The following SMURF1 variants were observed in gnomAD, a reference collection of about 807,000 sequenced individuals.
SMURF1 encodes the protein SMAD specific E3 ubiquitin protein ligase 1.
SMURF1 carries 44 observed loss-of-function variants against 98.0 expected under a neutral mutation model. That is an observed-to-expected ratio of 0.45 (90% confidence interval 0.35 to 0.58). The LOEUF is 0.58. Among genes scored for constraint, SMURF1 ranks in the 20% least tolerant of loss-of-function variants. The pLI is 0.00. For synonymous variants in SMURF1, 396 were observed against 374.9 expected, an observed-to-expected ratio of 1.06 and a Z score of -0.65; for missense variants, 687 against 938.4, an observed-to-expected ratio of 0.73 and a Z score of 3.50.
chr7:99,055,630 C>T (rs1271814558), intron 5 of SMURF1, among the ~76,000 whole-genome samples: 1 of 152,036 alleles, frequency 6.6e-6, no homozygotes, highest in Admixed American at 6.6e-5. Context: ...CCACTGAGCC[C>T]AGTTTTTATT....
chr7:99,089,353 G>A lies in SMURF1; in HGVS notation c.56-27516C>T, dbSNP rs141325200. ...ATACAGTTTTTTTATTTTAAAAACT[G>A]TATTTTAAAATACAGTGGCTCACAC... On this transcript the variant is annotated intron_variant, in intron 1 of 17. Transcript: ENST00000361368. Among the ~76,000 whole-genome samples, 1,216 of 151,360 alleles carry A rather than the reference G, an allele frequency of 8.0e-3. 23 individuals are homozygous for A. The highest frequency in any genetic ancestry group is 0.027 in the African/African-American group (1,119 of 41,200).
Position 99,035,731 on chromosome 7 carries a change from A to C in SMURF1, c.1810-15T>G. 1 of 1,612,304 alleles carries C rather than the reference A, an allele frequency of 6.2e-7. No homozygotes were observed. The highest frequency in any genetic ancestry group is 8.5e-7 in the Non-Finnish European group (1 of 1,178,910). The stretch of plus-strand genomic sequence containing the variant: ...CCTATGATCAGCTGAGGAGGTGCAG[A>C]AAGGTGAATTACTTCCAAAATGCAT... On this transcript the variant is annotated splice_polypyrimidine_tract_variant and intron_variant, in intron 15 of 17. Transcript: ENST00000361368.
In SMURF1 at chr7:99,042,170, G is replaced by C; in HGVS notation, c.1319C>G (p.Ser440Cys). The C allele has an allele frequency of 6.2e-7, 1 of 1,614,088 alleles. No homozygotes were observed. The highest frequency in any genetic ancestry group is 8.5e-7 in the Non-Finnish European group (1 of 1,180,012). ...LNPYYGLFQY[S>C]TDNIYMLQIN... is the part of the protein sequence containing the mutation. ...TTGCAACATGTAAATATTGTCCGTAGAATACTGGAAGAGCCCGTAATAAGG... is the reference window on the plus strand; with the variant it reads ...TTGCAACATGTAAATATTGTCCGTACAATACTGGAAGAGCCCGTAATAAGG... Residue 440 changes from serine (S) to cysteine (C), a missense_variant, in exon 12 of 18, where the codon TCT becomes TGT. Around this residue, in one of 2 missense-constraint regions of SMURF1, gnomAD observed 272 missense variants for 430.0 expected, o/e 0.63. Coordinates refer to ENST00000361368, the MANE Select transcript of SMURF1 (RefSeq NM_181349.3).
chr7:99,047,116 C>A (rs1191397606), intron 10 of SMURF1, among the ~76,000 whole-genome samples: 6 of 152,220 alleles, frequency 3.9e-5, no homozygotes, highest in Non-Finnish European at 5.9e-5. Context: ...TGTTTAGGGA[C>A]CTGCTCCTGC....
chr7:99,062,388 G>A (rs1055064408), intron 1 of SMURF1, among the ~76,000 whole-genome samples: 8 of 152,068 alleles, frequency 5.3e-5, no homozygotes, highest in African/African-American at 1.7e-4. Flanking sequence ...TACAGGTACC[G>A]CTAATGACAG....
intron 13 of SMURF1, among the ~76,000 whole-genome samples, chr7:99,039,539 G>A (rs1234380072): frequency 6.6e-6 from 1 of 152,008 alleles, no homozygotes; most frequent in Non-Finnish European, 1.5e-5. Context: ...AGTAGGGACG[G>A]GATTTCACCA....
In SMURF1 at chr7:99,123,174, C is replaced by CA. The variant is rs540927099; in HGVS notation, c.55+20551dup. On this transcript the variant is annotated intron_variant, in intron 1 of 17. Coordinates refer to ENST00000361368, the MANE Select transcript of SMURF1 (RefSeq NM_181349.3). The stretch of plus-strand genomic sequence containing the variant: ...ATATATGCAATACATAATAATAAGG[C>CA]AAAGTTTGCTCTGATTTTTAGTAAA... Among the ~76,000 whole-genome samples, 845 of 151,832 alleles carry CA rather than the reference C, an allele frequency of 5.6e-3. 6 individuals carry two copies. The highest frequency in any genetic ancestry group is 8.2e-3 in the Non-Finnish European group (556 of 67,948).
intron 8 of SMURF1, chr7:99,049,950 C>T (rs947000342): frequency 7.0e-5 from 27 of 385,284 alleles, no homozygotes; most frequent in Admixed American, 3.0e-4. Context: ...CGGTAGCTCA[C>T]GCCTGTAATC....
intron 1 of SMURF1, among the ~76,000 whole-genome samples, chr7:99,109,763 T>C (rs912215669): frequency 1.3e-5 from 2 of 152,208 alleles, no homozygotes; most frequent in African/African-American, 2.4e-5. Flanking sequence ...TTTGATAAAA[T>C]TCGACATCCA....
At chr7:99,066,428 G>A (rs1796193897) in intron 1 of SMURF1, among the ~76,000 whole-genome samples, 1 of 152,174 alleles carries the variant, frequency 6.6e-6, no homozygotes, top group South Asian at 2.1e-4. Context: ...TCATTCCAGT[G>A]GAATTTGGTT....
At chr7:99,136,597 A>C (rs1797998219) in intron 1 of SMURF1, among the ~76,000 whole-genome samples, 1 of 152,214 alleles carries the variant, frequency 6.6e-6, no homozygotes, top group Admixed American at 6.5e-5. Flanking sequence ...CTATTTTGAC[A>C]GTGTACATCC....
intron 1 of SMURF1, among the ~76,000 whole-genome samples, chr7:99,062,704 T>C (rs542092279): frequency 2.8e-4 from 43 of 152,086 alleles, no homozygotes; most frequent in African/African-American, 9.9e-4. Flanking sequence ...AAAAATTAGC[T>C]GTGTGTGGTA....
At chr7:99,037,034 G>A (rs778324007) in intron 15 of SMURF1, 33 bp downstream of exon 15, 7 of 1,612,426 alleles carry the variant, frequency 4.3e-6, no homozygotes, top group African/African-American at 4.0e-5. Context: ...CCACAGGGAC[G>A]CCCTGGGTCG....
intron 1 of SMURF1, among the ~76,000 whole-genome samples, chr7:99,129,801 G>A (rs188949578): frequency 3.7e-4 from 56 of 152,326 alleles, no homozygotes; most frequent in Admixed American, 1.0e-3. Flanking sequence ...TTCCACAAAC[G>A]GAAGAGCTTG....
intron 9 of SMURF1, 64 bp from the exon 10 acceptor site, chr7:99,047,946 C>T (rs758383708): frequency 2.1e-5 from 30 of 1,461,124 alleles, no homozygotes; most frequent in Non-Finnish European, 2.8e-5. Flanking sequence ...CAAGCACCCA[C>T]GTACGCGACA....
chr7:99,123,401 T>G (rs1797685116), intron 1 of SMURF1, among the ~76,000 whole-genome samples: 1 of 152,052 alleles, frequency 6.6e-6, no homozygotes, highest in Non-Finnish European at 1.5e-5. Flanking sequence ...GGCATGGTAG[T>G]GCACACCTGT....
intron 8 of SMURF1, chr7:99,050,729 C>A: frequency 1.8e-6 from 1 of 546,068 alleles, no homozygotes; most frequent in Non-Finnish European, 3.3e-6. Flanking sequence ...CTGAGTCATA[C>A]ATTAAACATA....
intron 9 of SMURF1, chr7:99,049,275 C>T (rs1030212514): frequency 3.8e-5 from 14 of 364,702 alleles, no homozygotes; most frequent in Admixed American, 8.5e-5. Context: ...CTCATGAGAG[C>T]GCTGCGTGCG....
chr7:99,042,265 G>A (rs374719443), intron 11 of SMURF1, 33 bp from the exon 12 acceptor site: 21 of 1,467,830 alleles, frequency 1.4e-5, no homozygotes, highest in Admixed American at 5.8e-5. Context: ...CATTTGAGAC[G>A]CGCTAAAATT....
Sources: gnomAD v4.1 joint callset for allele counts (sites outside exome capture counted in the v4.1 genomes callset) on GRCh38, gnomAD v4.1.1 for gene constraint, gnomAD v4.1.1 regional missense constraint, MANE v1.5 for transcripts, NCBI Gene and HGNC (gene_info 2026-07-23, HGNC 2026-07-21) for gene names.